The following VWA3B variants were observed in gnomAD, a reference collection of about 807,000 sequenced individuals.
The protein encoded by VWA3B is von Willebrand factor A domain-containing protein 3B.
VWA3B carries 138 observed loss-of-function variants against 158.3 expected under a neutral mutation model. That is an observed-to-expected ratio of 0.87 (90% CI 0.76 to 1.00). The LOEUF is 1.00. Ranked by LOEUF, VWA3B falls within the 50% of genes least tolerant of loss-of-function variation. VWA3B has a pLI of 0.00. For synonymous variants in VWA3B, 596 were observed against 587.3 expected (o/e 1.01, Z -0.21); for missense variants, 1,555 against 1,565.1 (o/e 0.99, Z 0.11).
At chr2:98,168,603 A>C (rs532639263) in intron 8 of VWA3B, among the ~76,000 whole-genome samples, 217 of 152,336 alleles carry the variant, frequency 1.4e-3, no homozygotes, top group Non-Finnish European at 2.6e-3. Flanking sequence ...AAAAAGACAC[A>C]TACTGAACTT....
At position 98,164,281 on chromosome 2, in the gene VWA3B, G is replaced by T. The variant is rs143388393; in HGVS notation, c.1114+1305G>T. Among the ~76,000 whole-genome samples, 1,445 of 152,236 alleles carry T rather than the reference G, an allele frequency of 9.5e-3. 11 individuals are homozygous for T. Among genetic ancestry groups the T allele is most frequent in the Admixed American group, 0.015 (233 of 15,292 alleles). On this transcript the variant is annotated intron_variant, in intron 8 of 27. Transcript: ENST00000477737. ...GGGTTTGAGTTATTAATATTAAAAAGAAATTATTAAAATCCAGTTGCATTT... is the reference window on the plus strand; with the variant it reads ...GGGTTTGAGTTATTAATATTAAAAATAAATTATTAAAATCCAGTTGCATTT...
chr2:98,271,707 C>T (rs1332279495), intron 22 of VWA3B, among the ~76,000 whole-genome samples: 1 of 152,154 alleles, frequency 6.6e-6, no homozygotes, highest in East Asian at 1.9e-4. Context: ...ATTTGCATGA[C>T]TACTGTGGTG....
At chr2:98,286,250 G>C (rs1007072210) in intron 22 of VWA3B, among the ~76,000 whole-genome samples, 1 of 152,070 alleles carries the variant, frequency 6.6e-6, no homozygotes, top group African/African-American at 2.4e-5. Context: ...CCAATCTGGA[G>C]ACACCTATTT....
At chr2:98,241,500 G>T (rs1686069984) in intron 19 of VWA3B, among the ~76,000 whole-genome samples, 1 of 151,872 alleles carries the variant, frequency 6.6e-6, no homozygotes, top group Non-Finnish European at 1.5e-5. Context: ...AGGCTGTGTG[G>T]CTGAAACACT....
intron 7 of VWA3B, among the ~76,000 whole-genome samples, chr2:98,150,843 G>T (rs995346420): frequency 6.6e-6 from 1 of 152,164 alleles, no homozygotes; most frequent in African/African-American, 2.4e-5. Flanking sequence ...TCTGGAGGGT[G>T]AGGAAGGACT....
chr2:98,209,236 T>C, intron 12 of VWA3B, among the ~76,000 whole-genome samples: 1 of 152,198 alleles, frequency 6.6e-6, no homozygotes, highest in South Asian at 2.1e-4. Flanking sequence ...CTTAGCTTCT[T>C]GAATTGTAGT....
chr2:98,133,655 C>T (rs891036273), intron 6 of VWA3B, 169 bp from the exon 7 acceptor site: 1 of 629,020 alleles, frequency 1.6e-6, no homozygotes, highest in Non-Finnish European at 2.8e-6. Context: ...TTCTGCCTCC[C>T]TGTCTTTTGC....
intron 24 of VWA3B, 151 bp downstream of exon 24, chr2:98,298,182 G>C (rs923349727): frequency 9.2e-7 from 1 of 1,091,960 alleles, no homozygotes. Context: ...AATGGCCCCT[G>C]TTCTGGGACC....
intron 15 of VWA3B, among the ~76,000 whole-genome samples, chr2:98,229,616 G>T (rs148390483): frequency 1.8e-3 from 278 of 152,322 alleles, no homozygotes; most frequent in African/African-American, 6.5e-3. Flanking sequence ...ATAAGTGCTT[G>T]CTGGTAGACA....
intron 5 of VWA3B, among the ~76,000 whole-genome samples, chr2:98,126,384 A>G (rs1304910286): frequency 6.6e-6 from 1 of 152,130 alleles, no homozygotes; most frequent in African/African-American, 2.4e-5. Flanking sequence ...GACCAACCCT[A>G]GAAAATACTC....
intron 3 of VWA3B, 81 bp from the exon 4 acceptor site, chr2:98,119,432 A>G (rs1674783427): frequency 6.7e-7 from 1 of 1,493,080 alleles, no homozygotes; most frequent in Non-Finnish European, 9.0e-7. Flanking sequence ...TTATGAGTGC[A>G]CAGTTCTCGG....
At chr2:98,295,169 T>C (rs1279208521) in intron 23 of VWA3B, among the ~76,000 whole-genome samples, 1 of 150,914 alleles carries the variant, frequency 6.6e-6, no homozygotes, top group Non-Finnish European at 1.5e-5. Context: ...ACGAGGACTG[T>C]GAAGGATGAC....
At chr2:98,093,005 G>T in intron 1 of VWA3B, 56 bp from the exon 2 acceptor site, 1 of 1,276,434 alleles carries the variant, frequency 7.8e-7, no homozygotes, top group Non-Finnish European at 1.1e-6. Flanking sequence ...GTCCCCTGTT[G>T]ACGTTAGATG....
intron 19 of VWA3B, among the ~76,000 whole-genome samples, chr2:98,249,852 A>G (rs1442658704): frequency 2.6e-5 from 4 of 152,172 alleles, no homozygotes; most frequent in African/African-American, 7.2e-5. Flanking sequence ...AATCGTCAAA[A>G]TATGGTAACT....
intron 26 of VWA3B, 28 bp downstream of exon 26, chr2:98,303,830 A>G (rs770958022): frequency 2.5e-6 from 4 of 1,598,902 alleles, no homozygotes; most frequent in Non-Finnish European, 3.4e-6. Context: ...TTATCTCTTG[A>G]ATATTAATTT....
intron 7 of VWA3B, among the ~76,000 whole-genome samples, chr2:98,149,778 A>G (rs370509311): frequency 5.3e-5 from 8 of 152,314 alleles, no homozygotes; most frequent in African/African-American, 1.9e-4. Context: ...TCCAGACCCT[A>G]TTCCCCCGCC....
At chr2:98,295,928 A>G (rs554483132) in intron 23 of VWA3B, among the ~76,000 whole-genome samples, 1 of 152,360 alleles carries the variant, frequency 6.6e-6, no homozygotes, top group East Asian at 1.9e-4. Context: ...GCCAGGTTGA[A>G]GCCAGACCGT....
At chr2:98,111,607 T>C (rs892823685) in intron 2 of VWA3B, among the ~76,000 whole-genome samples, 2 of 152,156 alleles carry the variant, frequency 1.3e-5, no homozygotes, top group African/African-American at 4.8e-5. Flanking sequence ...TGGTGTGAAA[T>C]GGTATCTCAT....
In VWA3B at chr2:98,133,992, C is replaced by T. The variant is rs148276179; in HGVS notation, c.988+53C>T. On this transcript the variant is annotated intron_variant, in intron 7 of 27. Transcript: ENST00000477737. ...AGCTTATGTCCCGAATAGCCTCAGA[C>T]GACGTGGATCATTAGGAAGTAAAGT... 3,241 of 1,444,782 alleles carry T rather than the reference C, an allele frequency of 2.2e-3. 17 individuals are homozygous for T. The highest frequency in any genetic ancestry group is 2.0e-3 in the Non-Finnish European group (2,035 of 1,027,332). The allele number at this position is 1,444,782 out of a possible 1,614,324, so 89.5% of individuals were successfully genotyped here. A position where few individuals can be genotyped will look rare whatever the true frequency, so the allele number is the denominator to read the frequency against.
Sources: allele counts gnomAD v4.1 joint callset (sites outside exome capture counted in the v4.1 genomes callset), GRCh38; gene constraint gnomAD v4.1.1; transcripts MANE v1.5; gene names NCBI Gene and HGNC (gene_info 2026-07-23, HGNC 2026-07-21).